The following MACROD2 variants were observed in gnomAD, a reference collection of about 807,000 sequenced individuals.
The protein encoded by MACROD2 is mono-ADP ribosylhydrolase 2.
Under a neutral mutation model 70.4 loss-of-function variants are expected in MACROD2, and 36 were observed. The ratio of observed to expected loss-of-function variants is 0.51; its 90% confidence interval spans 0.39 to 0.68. MACROD2 has a LOEUF of 0.68. MACROD2 is among the 30% of genes least tolerant of loss of function. The pLI is 0.00. For synonymous variants in MACROD2, 172 were observed against 178.8 expected, an observed-to-expected ratio of 0.96 and a Z score of 0.30; for missense variants, 496 against 538.4, an observed-to-expected ratio of 0.92 and a Z score of 0.78.
intron 3 of MACROD2, among the ~76,000 whole-genome samples, chr20:14,243,116 C>T (rs1295083599): frequency 6.6e-6 from 1 of 152,214 alleles, no homozygotes; most frequent in Non-Finnish European, 1.5e-5. Context: ...CCCTTTACCT[C>T]TAATGTCTAC....
intron 3 of MACROD2, among the ~76,000 whole-genome samples, chr20:14,126,194 C>T (rs2054647584): frequency 6.6e-6 from 1 of 152,212 alleles, no homozygotes; most frequent in Non-Finnish European, 1.5e-5. Flanking sequence ...GGTTTAGTTT[C>T]TCCTGAGGTC....
intron 5 of MACROD2, among the ~76,000 whole-genome samples, chr20:15,045,730 T>TTG (rs1555777160): frequency 1.4e-5 from 2 of 145,286 alleles, no homozygotes; most frequent in Non-Finnish European, 3.0e-5. Context: ...TTTTTTTTTT[T>TTG]TTTTTTTTTT....
At chr20:14,344,060 T>C (rs978054874) in intron 3 of MACROD2, among the ~76,000 whole-genome samples, 12 of 152,186 alleles carry the variant, frequency 7.9e-5, no homozygotes, top group African/African-American at 1.2e-4. Flanking sequence ...GTATTGGAGA[T>C]TATCTCTTTG....
rs75170492 is a variant in MACROD2 at position 15,451,408 on chromosome 20, G to T, written c.571+19973G>T. ...AGACACATGAGCAAATCTCCTGAAGGGTGGTAAATAAAAAAAAAAAAAAAA... is the reference window on the plus strand; with the variant it reads ...AGACACATGAGCAAATCTCCTGAAGTGTGGTAAATAAAAAAAAAAAAAAAA... On this transcript the variant is annotated intron_variant, in intron 7 of 17. Coordinates refer to ENST00000684519, the MANE Select transcript of MACROD2 (RefSeq NM_001351661.2). Among the ~76,000 whole-genome samples, 457 of 137,782 alleles carry T rather than the reference G, an allele frequency of 3.3e-3. 3 individuals are homozygous for T. Among genetic ancestry groups the T allele is most frequent in the African/African-American group, 0.012 (439 of 37,174 alleles). The allele number at this position is 137,782 out of a possible 152,430, so 90.4% of individuals were successfully genotyped here.
chr20:15,268,476 C>A (rs1307436667), intron 6 of MACROD2, among the ~76,000 whole-genome samples: 2 of 152,132 alleles, frequency 1.3e-5, no homozygotes, highest in African/African-American at 4.8e-5. Context: ...GATGGTGAAA[C>A]CCTGTCTCTA....
At chr20:15,204,972 A>G (rs575402044) in intron 5 of MACROD2, among the ~76,000 whole-genome samples, 1 of 152,136 alleles carries the variant, frequency 6.6e-6, no homozygotes, top group Non-Finnish European at 1.5e-5. Flanking sequence ...AGAGAAGGAA[A>G]GTAAACCTTT....
intron 3 of MACROD2, among the ~76,000 whole-genome samples, chr20:14,255,123 G>C (rs111720755): frequency 1.1e-4 from 17 of 152,198 alleles, no homozygotes; most frequent in Middle Eastern, 3.4e-3. Context: ...AGTCTGATGG[G>C]CTTCCCTTTG....
At chr20:14,785,518 T>G (rs1166944154) in intron 5 of MACROD2, among the ~76,000 whole-genome samples, 4 of 151,978 alleles carry the variant, frequency 2.6e-5, no homozygotes, top group Non-Finnish European at 5.9e-5. Flanking sequence ...GACAGACAAC[T>G]GTGGGTAAGC....
intron 5 of MACROD2, among the ~76,000 whole-genome samples, chr20:14,787,064 C>T (rs1340287416): frequency 1.3e-5 from 2 of 152,096 alleles, no homozygotes; most frequent in Non-Finnish European, 2.9e-5. Context: ...AAGCTATACA[C>T]ATAATGATGA....
At chr20:14,643,225 C>A (rs112031574) in intron 4 of MACROD2, among the ~76,000 whole-genome samples, 1 of 152,190 alleles carries the variant, frequency 6.6e-6, no homozygotes, top group African/African-American at 2.4e-5. Context: ...ATTCTGGAGC[C>A]CCCACTGGGT....
rs144592493 is a variant in MACROD2 at position 15,278,636 on chromosome 20, C to T, written c.540+48575C>T. Among the ~76,000 whole-genome samples the T allele has an allele frequency of 2.6e-3, 389 of 152,258 alleles. 1 individual carries two copies. The highest frequency in any genetic ancestry group is 9.3e-3 in the African/African-American group (385 of 41,548). On this transcript the variant is annotated intron_variant, in intron 6 of 17. Coordinates refer to ENST00000684519, the MANE Select transcript of MACROD2 (RefSeq NM_001351661.2). ...TCACCTACTACCTCCCTGATAATCC[C>T]ATAATATTGGCATCATGATTATGTG...
intron 3 of MACROD2, among the ~76,000 whole-genome samples, chr20:14,161,925 C>T (rs762208672): frequency 2.0e-5 from 3 of 152,152 alleles, no homozygotes; most frequent in Non-Finnish European, 4.4e-5. Context: ...AATCACTTTG[C>T]TATTGTGGAT....
intron 5 of MACROD2, among the ~76,000 whole-genome samples, chr20:14,918,131 C>T (rs556911010): frequency 6.6e-6 from 1 of 152,000 alleles, no homozygotes; most frequent in Admixed American, 6.6e-5. Flanking sequence ...ACACCACCAT[C>T]CCCAGTTAAT....
intron 1 of MACROD2, among the ~76,000 whole-genome samples, chr20:13,998,827 C>T (rs1271772128): frequency 2.6e-5 from 4 of 151,882 alleles, no homozygotes; most frequent in African/African-American, 7.3e-5. Flanking sequence ...TGGTGGCACA[C>T]GCCTGTAATC....
chr20:15,649,258 T>C, intron 8 of MACROD2, among the ~76,000 whole-genome samples: 1 of 147,810 alleles, frequency 6.8e-6, no homozygotes, highest in East Asian at 2.0e-4. Flanking sequence ...TCTTTTTCAG[T>C]GTTCAAACAT....
At chr20:14,069,620 A>G (rs1051314623) in intron 2 of MACROD2, among the ~76,000 whole-genome samples, 2 of 150,028 alleles carry the variant, frequency 1.3e-5, no homozygotes, top group Non-Finnish European at 3.0e-5. Flanking sequence ...AGATAAAAAT[A>G]TATCCCAAAT....
At chr20:15,503,230 G>A (rs1414934368) in intron 8 of MACROD2, among the ~76,000 whole-genome samples, 3 of 152,168 alleles carry the variant, frequency 2.0e-5, no homozygotes, top group African/African-American at 7.2e-5. Flanking sequence ...AAGAATATTG[G>A]TATAAGAGCA....
At chr20:14,832,968 A>T (rs1449644986) in intron 5 of MACROD2, among the ~76,000 whole-genome samples, 3 of 152,136 alleles carry the variant, frequency 2.0e-5, no homozygotes, top group Non-Finnish European at 4.4e-5. Context: ...CTGCCTATCT[A>T]AGTAGCACTG....
chr20:15,973,220 C>T (rs1033852061), intron 13 of MACROD2, among the ~76,000 whole-genome samples: 37 of 151,210 alleles, frequency 2.4e-4, no homozygotes, highest in African/African-American at 8.8e-4. Flanking sequence ...ATATATTTGT[C>T]GCAATTTTAT....
Sources: allele counts gnomAD v4.1 joint callset (sites outside exome capture counted in the v4.1 genomes callset), GRCh38; gene constraint gnomAD v4.1.1; transcripts MANE v1.5; gene names NCBI Gene and HGNC (gene_info 2026-07-23, HGNC 2026-07-21).